The following EAPP variants were observed in gnomAD, a reference collection of about 807,000 sequenced individuals.
The protein encoded by EAPP is E2F associated phosphoprotein, also known as E2F-associated phosphoprotein.
EAPP carries 38 observed loss-of-function variants against 34.3 expected under a neutral mutation model. The observed-to-expected ratio is 1.11, with a 90% CI of 0.85 to 1.45. EAPP has a LOEUF of 1.45. EAPP is among the 40% of genes most tolerant of loss of function. EAPP has a pLI of 0.00. For missense variants in EAPP, 338 were observed against 343.7 expected (o/e 0.98, Z 0.13); for synonymous variants, 113 against 117.6 (o/e 0.96, Z 0.25).
chr14:34,527,572 T>A (rs1357275409), intron 4 of EAPP, among the ~76,000 whole-genome samples: 1 of 152,024 alleles, frequency 6.6e-6, no homozygotes, highest in African/African-American at 2.4e-5. Flanking sequence ...CCTCAGTGGA[T>A]GAAAGGATAA....
At chr14:34,518,720 T>C (rs575438388) in intron 5 of EAPP, among the ~76,000 whole-genome samples, 1 of 152,326 alleles carries the variant, frequency 6.6e-6, no homozygotes, top group Admixed American at 6.5e-5. Context: ...TCTTGCTGAA[T>C]TGACCCCTTT....
intron 3 of EAPP, among the ~76,000 whole-genome samples, chr14:34,530,945 G>A (rs1396168896): frequency 2.9e-5 from 4 of 137,594 alleles, no homozygotes; most frequent in Admixed American, 7.4e-5. Context: ...GAAAGGAAGA[G>A]GAAAAAAACA....
chr14:34,529,597 G>C lies in EAPP; in HGVS notation c.353-122C>G. ...ATATTTTCCCTAAAAAGTTAAAAAA[G>C]GGACGGGCGCAGTGGCTCACACCTG... is the stretch of plus-strand genomic sequence containing the variant. On this transcript the variant is annotated intron_variant, in intron 3 of 5. Coordinates refer to ENST00000250454, the MANE Select transcript of EAPP (RefSeq NM_018453.4). 4 of 791,126 alleles carry C rather than the reference G, an allele frequency of 5.1e-6. No homozygotes were observed. In the East Asian group the frequency reaches 8.3e-5, roughly 16 times the overall value. 49.0% of individuals were successfully genotyped at this position (791,126 alleles called of 1,614,324 possible).
rs1252012051 is a variant in EAPP at position 34,516,561 on chromosome 14, T to C, written c.607A>G (p.Arg203Gly). 1 of 1,613,204 alleles carries C rather than the reference T, an allele frequency of 6.2e-7. No homozygotes were observed. Among genetic ancestry groups the C allele is most frequent in the Non-Finnish European group, 8.5e-7 (1 of 1,179,738 alleles). ...QRHESYKTQYRAMFVMNCSIN... is the reference protein window; with the variant it reads ...QRHESYKTQYGAMFVMNCSIN... Reference sequence around the variant, plus strand: ...GAACAATTCATTACAAACATTGCTCTATATTGAGTTTTGTATGATTCATGC... The same window carrying C: ...GAACAATTCATTACAAACATTGCTCCATATTGAGTTTTGTATGATTCATGC... Residue 203 changes from arginine (R) to glycine (G), a missense_variant, in exon 6 of 6, where the codon AGA becomes GGA. Coordinates refer to ENST00000250454, the MANE Select transcript of EAPP (RefSeq NM_018453.4).
chr14:34,516,628 T>C (rs1195024381), intron 5 of EAPP, 42 bp from the exon 6 acceptor site: 5 of 1,541,824 alleles, frequency 3.2e-6, no homozygotes, highest in Admixed American at 2.1e-5. Flanking sequence ...TTATGTTCTA[T>C]GTTAATAGTT....
intron 2 of EAPP, among the ~76,000 whole-genome samples, chr14:34,534,630 C>T (rs758120973): frequency 6.6e-6 from 1 of 151,292 alleles, no homozygotes; most frequent in Non-Finnish European, 1.5e-5. Context: ...TTTTTTAACT[C>T]GAGTAAAAAC....
intron 5 of EAPP, among the ~76,000 whole-genome samples, chr14:34,518,801 T>C (rs1483577562): frequency 1.3e-5 from 2 of 152,226 alleles, no homozygotes; most frequent in Non-Finnish European, 2.9e-5. Flanking sequence ...GCTATTCCTA[T>C]ACTGGTTTCC....
intron 5 of EAPP, among the ~76,000 whole-genome samples, chr14:34,522,051 AG>A (rs1879936475): frequency 6.6e-6 from 1 of 152,032 alleles, no homozygotes; most frequent in African/African-American, 2.4e-5. Context: ...CTCGACTTCC[AG>A]GGCTCAAGTG....
intron 1 of EAPP, 183 bp from the exon 2 acceptor site, chr14:34,536,458 A>ATTTTTTTTTTTTTTTTTT (rs5807779): frequency 7.9e-6 from 1 of 126,138 alleles, no homozygotes; most frequent in Non-Finnish European, 1.3e-5. Flanking sequence ...ATCTTCTTTA[A>ATTTTTTTTTTTTTTTTTT]TTTTTTTTTT....
intron 5 of EAPP, among the ~76,000 whole-genome samples, chr14:34,517,821 C>T (rs1331103843): frequency 6.6e-6 from 1 of 151,656 alleles, no homozygotes; most frequent in Non-Finnish European, 1.5e-5. Context: ...GTCACCCAGG[C>T]TGGAGTGCAA....
chr14:34,532,984 TTTC>T (rs1230055807), intron 3 of EAPP, among the ~76,000 whole-genome samples: 1 of 140,948 alleles, frequency 7.1e-6, no homozygotes, highest in Non-Finnish European at 1.5e-5. Context: ...GCCCCCAGTT[TTTC>T]TTATTAATCA....
rs1879706974 is a variant in EAPP, at chr14:34,516,021, T to G, written c.*289A>C. ...CTCAGAAACAAAGATTGCTTATAAT[T>G]CCAGAACATTTTAATTCTACAGAGC... On this transcript the variant is annotated 3_prime_UTR_variant, in exon 6 of 6. Coordinates refer to ENST00000250454, the MANE Select transcript of EAPP (RefSeq NM_018453.4). The G allele has an allele frequency of 3.3e-6, 1 of 302,486 alleles. No homozygotes were observed. Among genetic ancestry groups the G allele is most frequent in the Non-Finnish European group, 6.1e-6 (1 of 164,476 alleles). 18.7% of individuals were successfully genotyped at this position (302,486 alleles called of 1,614,324 possible).
At chr14:34,529,255 G>A (rs183503168) in intron 4 of EAPP, 103 bp downstream of exon 4, 259 of 837,254 alleles carry the variant, frequency 3.1e-4, no homozygotes, top group Admixed American at 5.5e-4. Flanking sequence ...GTGTGTGTGT[G>A]TTTGTGTAAA....
chr14:34,519,221 C>G (rs963319937), intron 5 of EAPP, among the ~76,000 whole-genome samples: 1 of 152,056 alleles, frequency 6.6e-6, no homozygotes, highest in Non-Finnish European at 1.5e-5. Context: ...GCCTGCTTCC[C>G]CTTTGCCTTC....
Position 34,529,472 on chromosome 14 carries a change from T to G in EAPP, c.356A>C (p.Gln119Pro). The G allele has an allele frequency of 6.2e-7, 1 of 1,602,292 alleles. No individual in the cohort carries two copies. The change falls in exon 4 of 6, where the codon CAG becomes CCG. Residue 119 changes from glutamine to proline, a missense_variant. By Grantham distance (76) the Gln-to-Pro change is moderately conservative (BLOSUM62 -1). Coordinates refer to ENST00000250454, the MANE Select transcript of EAPP (RefSeq NM_018453.4). ...TTTCTTCTTTTTTTTCTTGGTCACC[T>G]GTACTAATTTTGAAAATATTAGGAT... ...SDSEDEDRAV[Q>P]VTKKKKKKQH...
At chr14:34,521,591 A>G (rs184944473) in intron 5 of EAPP, among the ~76,000 whole-genome samples, 197 of 150,046 alleles carry the variant, frequency 1.3e-3, no homozygotes, top group Admixed American at 3.2e-3. Context: ...GCCTCTAATG[A>G]ATTTTTTAGT....
rs563700521 is a variant in EAPP, at chr14:34,521,825, G to A, written c.581+2872C>T. On this transcript the variant is annotated intron_variant, in intron 5 of 5. Transcript: ENST00000250454. Reference sequence around the variant, plus strand: ...AATTTTTTGTATTTTTAGTAGAGACGGGGTTTCACCATGTTAGCCAGGATG... The same window carrying A: ...AATTTTTTGTATTTTTAGTAGAGACAGGGTTTCACCATGTTAGCCAGGATG... Among the ~76,000 whole-genome samples the A allele has an allele frequency of 2.3e-4, 35 of 151,704 alleles. 1 individual carries two copies. Among genetic ancestry groups the A allele is most frequent in the Non-Finnish European group, 3.8e-4 (26 of 67,850 alleles).
At chr14:34,535,565 T>G (rs1412709507) in intron 2 of EAPP, among the ~76,000 whole-genome samples, 1 of 151,672 alleles carries the variant, frequency 6.6e-6, no homozygotes, top group Non-Finnish European at 1.5e-5. Context: ...CCCGAGTAGC[T>G]GGGACTACAG....
chr14:34,531,431 T>A (rs1880286398), intron 3 of EAPP, among the ~76,000 whole-genome samples: 1 of 151,634 alleles, frequency 6.6e-6, no homozygotes, highest in South Asian at 2.1e-4. Context: ...TGAAACCCCA[T>A]CTCTACTAAG....
Sources: gnomAD v4.1 joint callset for allele counts (sites outside exome capture counted in the v4.1 genomes callset) on GRCh38, gnomAD v4.1.1 for gene constraint, MANE v1.5 for transcripts, NCBI Gene and HGNC (gene_info 2026-07-23, HGNC 2026-07-21) for gene names.